The following CPNE8 variants were observed in gnomAD, a reference collection of about 807,000 sequenced individuals.
The protein encoded by CPNE8 is copine 8.
A neutral mutation model predicts 81.5 loss-of-function variants in CPNE8; 45 were observed. That is an observed-to-expected ratio of 0.55 (90% CI 0.44 to 0.71). The LOEUF is 0.71. Among genes scored for constraint, CPNE8 ranks in the 30% least tolerant of loss-of-function variants. CPNE8 has a pLI of 0.00. For missense variants in CPNE8, 594 were observed against 672.1 expected (o/e 0.88, Z 1.28); for synonymous variants, 252 against 226.3 (o/e 1.11, Z -1.02).
At chr12:38,811,230 T>C (rs1211577407) in intron 6 of CPNE8, among the ~76,000 whole-genome samples, 1 of 150,954 alleles carries the variant, frequency 6.6e-6, no homozygotes, top group East Asian at 1.9e-4. Flanking sequence ...AAAAAAAACC[T>C]AAAAACTACT....
chr12:38,714,880 T>C (rs1940347928), intron 13 of CPNE8, among the ~76,000 whole-genome samples: 1 of 152,062 alleles, frequency 6.6e-6, no homozygotes, highest in Non-Finnish European at 1.5e-5. Context: ...CAATAATAAC[T>C]AAACTAACGG....
intron 7 of CPNE8, among the ~76,000 whole-genome samples, chr12:38,771,097 C>A (rs997018439): frequency 2.0e-5 from 3 of 151,952 alleles, no homozygotes; most frequent in Non-Finnish European, 4.4e-5. Flanking sequence ...TTTGTAAACA[C>A]TGTTCAATCA....
At chr12:38,714,031 C>A in intron 13 of CPNE8, among the ~76,000 whole-genome samples, 1 of 152,030 alleles carries the variant, frequency 6.6e-6, no homozygotes, top group East Asian at 1.9e-4. Flanking sequence ...ATATTTGTTC[C>A]TTAGTTACGG....
At chr12:38,789,360 T>C (rs1464504224) in intron 6 of CPNE8, among the ~76,000 whole-genome samples, 1 of 151,732 alleles carries the variant, frequency 6.6e-6, no homozygotes, top group Non-Finnish European at 1.5e-5. Context: ...GAAAAGACAG[T>C]CTGTTCAATA....
intron 11 of CPNE8, among the ~76,000 whole-genome samples, chr12:38,727,492 A>T (rs1261460412): frequency 1.3e-5 from 2 of 151,972 alleles, no homozygotes; most frequent in Non-Finnish European, 2.9e-5. Flanking sequence ...AACAAAACTT[A>T]AAAAAAATGT....
At chr12:38,719,584 GAAAAA>G (rs34008352) in intron 13 of CPNE8, among the ~76,000 whole-genome samples, 1 of 124,192 alleles carries the variant, frequency 8.1e-6, no homozygotes, top group Non-Finnish European at 1.7e-5. Flanking sequence ...ATTGTCTCAG[GAAAAA>G]AAAAAAAAAA....
intron 14 of CPNE8, among the ~76,000 whole-genome samples, chr12:38,702,368 G>A (rs554446029): frequency 1.3e-5 from 2 of 152,170 alleles, no homozygotes; most frequent in South Asian, 2.1e-4. Context: ...GAGTGAATTA[G>A]ATATTAATGT....
intron 1 of CPNE8, among the ~76,000 whole-genome samples, chr12:38,890,676 AG>A (rs1944301637): frequency 6.6e-6 from 1 of 152,066 alleles, no homozygotes; most frequent in South Asian, 2.1e-4. Flanking sequence ...ATTATACCCA[AG>A]TGAAACCATC....
intron 9 of CPNE8, among the ~76,000 whole-genome samples, chr12:38,761,882 A>G (rs1285335177): frequency 6.6e-6 from 1 of 152,192 alleles, no homozygotes; most frequent in African/African-American, 2.4e-5. Context: ...TCCACTCTAG[A>G]AGGACTGTAC....
At chr12:38,856,812 T>C (rs545194847) in intron 3 of CPNE8, among the ~76,000 whole-genome samples, 2 of 152,232 alleles carry the variant, frequency 1.3e-5, no homozygotes, top group South Asian at 4.1e-4. Flanking sequence ...AACCATAGAA[T>C]AAAATTTTAG....
intron 6 of CPNE8, among the ~76,000 whole-genome samples, chr12:38,802,665 G>T (rs1942700606): frequency 6.6e-6 from 1 of 151,748 alleles, no homozygotes; most frequent in African/African-American, 2.4e-5. Flanking sequence ...AATCAGAGCA[G>T]AACTGAAGGA....
intron 11 of CPNE8, among the ~76,000 whole-genome samples, chr12:38,729,418 T>G (rs998009004): frequency 6.6e-6 from 1 of 152,044 alleles, no homozygotes; most frequent in Non-Finnish European, 1.5e-5. Context: ...ACAAAACATA[T>G]TTTATATCTG....
At chr12:38,685,269 C>A (rs987443761) in intron 16 of CPNE8, among the ~76,000 whole-genome samples, 1 of 152,162 alleles carries the variant, frequency 6.6e-6, no homozygotes, top group Non-Finnish European at 1.5e-5. Flanking sequence ...CCTAACATAA[C>A]CCAGCAAATG....
At chr12:38,833,500 C>G (rs114254868) in intron 5 of CPNE8, among the ~76,000 whole-genome samples, 2 of 97,618 alleles carry the variant, frequency 2.0e-5, no homozygotes, top group Admixed American at 1.3e-4. Context: ...TTTTTTGAGA[C>G]GGGAGTCTTG....
Position 38,687,671 on chromosome 12 carries a change from C to T in CPNE8, c.1144-2054G>A, listed in dbSNP as rs34571343. Among the ~76,000 whole-genome samples, 548 of 152,188 alleles carry T rather than the reference C, an allele frequency of 3.6e-3. 4 individuals are homozygous for T. Among genetic ancestry groups the T allele is most frequent in the South Asian group, 8.1e-3 (39 of 4,828 alleles). Reference sequence around the variant, plus strand: ...TGCTGGGATTACAGGCGTGAGCCACCGCACCCGGCCAAAATGCAAAGCTTT... The same window carrying T: ...TGCTGGGATTACAGGCGTGAGCCACTGCACCCGGCCAAAATGCAAAGCTTT... On this transcript the variant is annotated intron_variant, in intron 15 of 19. Coordinates refer to ENST00000331366, the MANE Select transcript of CPNE8 (RefSeq NM_153634.3).
intron 14 of CPNE8, among the ~76,000 whole-genome samples, chr12:38,696,141 C>T (rs1161758056): frequency 6.6e-6 from 1 of 152,060 alleles, no homozygotes; most frequent in Non-Finnish European, 1.5e-5. Context: ...CCTTTGTACC[C>T]ATACAAAGAT....
chr12:38,710,268 CAAAAA>C (rs57376063), intron 13 of CPNE8, among the ~76,000 whole-genome samples: 7 of 50,266 alleles, frequency 1.4e-4, no homozygotes, highest in South Asian at 1.4e-3. Context: ...AATAAGCTAA[CAAAAA>C]AAAAAAAAAA....
intron 13 of CPNE8, among the ~76,000 whole-genome samples, chr12:38,704,858 A>ATATATATATATATATATATATATC (rs1940063666): frequency 7.7e-6 from 1 of 130,238 alleles, no homozygotes; most frequent in Non-Finnish European, 1.7e-5. Context: ...ATATATATAT[A>ATATATATATATATATATATATATC]TATATTTAAA....
intron 3 of CPNE8, among the ~76,000 whole-genome samples, chr12:38,857,233 CAA>C (rs999783386): frequency 1.3e-5 from 2 of 152,100 alleles, no homozygotes; most frequent in Non-Finnish European, 2.9e-5. Flanking sequence ...AGCCTTTACA[CAA>C]GAGACACACC....
Sources: allele counts gnomAD v4.1 joint callset (sites outside exome capture counted in the v4.1 genomes callset), GRCh38; gene constraint gnomAD v4.1.1; transcripts MANE v1.5; gene names NCBI Gene and HGNC (gene_info 2026-07-23, HGNC 2026-07-21).